The following IREB2 variants were observed in gnomAD, a reference collection of about 807,000 sequenced individuals.
The protein encoded by IREB2 is iron responsive element binding protein 2.
Under a neutral mutation model 118.8 loss-of-function variants are expected in IREB2, and 39 were observed. The observed-to-expected ratio is 0.33, with a 90% CI of 0.25 to 0.43. The LOEUF is 0.43. Ranked by LOEUF, IREB2 falls within the 20% of genes least tolerant of loss-of-function variation. The pLI, the probability that IREB2 is intolerant of heterozygous loss-of-function variation, is 1.00. For synonymous variants in IREB2, 372 were observed against 392.2 expected, an observed-to-expected ratio of 0.95 and a Z score of 0.61; for missense variants, 900 against 1,147.3, an observed-to-expected ratio of 0.78 and a Z score of 3.11.
At chr15:78,492,563 T>G (rs971425723) in intron 18 of IREB2, among the ~76,000 whole-genome samples, 1 of 151,610 alleles carries the variant, frequency 6.6e-6, no homozygotes, top group African/African-American at 2.4e-5. Context: ...AGTTTGTCAT[T>G]TGTTTGTTTG....
In IREB2 at chr15:78,493,970, A is replaced by G; in HGVS notation, c.2386A>G (p.Arg796Gly). The change falls in exon 19 of 22, where the codon AGA becomes GGA. Residue 796 changes from arginine (R) to glycine (G), a missense_variant. Arg to Gly is a moderately radical substitution (Grantham distance 125). Transcript: ENST00000258886. The part of the protein sequence containing the change: ...ARRGNDAVMT[R>G]GTFANIKLFN... Reference sequence around the variant, plus strand: ...AAGAGGTAATGATGCTGTAATGACAAGAGGCACTTTTGCAAATATCAAGCT... The same window carrying G: ...AAGAGGTAATGATGCTGTAATGACAGGAGGCACTTTTGCAAATATCAAGCT... 1 of 1,614,064 alleles carries G rather than the reference A, an allele frequency of 6.2e-7. No homozygotes were observed. Among genetic ancestry groups the G allele is most frequent in the Non-Finnish European group, 8.5e-7 (1 of 1,179,886 alleles).
At chr15:78,480,760 C>T (rs999057087) in intron 10 of IREB2, among the ~76,000 whole-genome samples, 2 of 149,702 alleles carry the variant, frequency 1.3e-5, no homozygotes, top group Non-Finnish European at 3.0e-5. Context: ...TTGGGAGGCC[C>T]GCACTTTGGG....
intron 9 of IREB2, chr15:78,476,610 A>G (rs535940117): frequency 1.5e-5 from 4 of 261,944 alleles, no homozygotes; most frequent in Non-Finnish European, 1.5e-5. Context: ...CTGTTTCCCC[A>G]TAATGATGGA....
intron 5 of IREB2, among the ~76,000 whole-genome samples, chr15:78,467,842 C>T (rs2051310652): frequency 6.6e-6 from 1 of 152,102 alleles, no homozygotes; most frequent in African/African-American, 2.4e-5. Flanking sequence ...CTGCCTTGAC[C>T]TTCAAAAGTT....
chr15:78,476,550 A>G (rs2051474621), intron 9 of IREB2, 191 bp downstream of exon 9: 1 of 419,426 alleles, frequency 2.4e-6, no homozygotes, highest in East Asian at 3.5e-5. Flanking sequence ...TCCCTGTGAC[A>G]CATTGAAAGC....
Position 78,487,783 on chromosome 15 carries a change from C to A in IREB2, c.1760C>A (p.Pro587His). 6.2e-7 allele frequency: 1 copy of A among 1,607,766 alleles called. No individual in the cohort carries two copies. ...GCSICVGNTA[P>H]LSDAVLNAVK... ...TCAATTTGTGTGGGAAATACAGCAC[C>A]CTTATCAGACGCAGTTTTAAATGCA... The change falls in exon 14 of 22, where the codon CCC becomes CAC. Residue 587 changes from proline to histidine, a missense_variant. Coordinates refer to ENST00000258886, the MANE Select transcript of IREB2 (RefSeq NM_004136.4).
chr15:78,490,894 C>T, intron 18 of IREB2, 133 bp downstream of exon 18: 2 of 759,522 alleles, frequency 2.6e-6, no homozygotes, highest in Admixed American at 2.4e-5. Context: ...ATGTGTTTGT[C>T]TTAAGCAAGA....
chr15:78,487,439 T>G (rs1054779475), intron 13 of IREB2, among the ~76,000 whole-genome samples: 1 of 152,162 alleles, frequency 6.6e-6, no homozygotes, highest in Non-Finnish European at 1.5e-5. Context: ...ATAAAAAAAT[T>G]AGCTGGGCCT....
intron 13 of IREB2, 67 bp from the exon 14 acceptor site, chr15:78,487,666 A>G (rs191163610): frequency 3.8e-5 from 33 of 863,288 alleles, no homozygotes; most frequent in African/African-American, 3.7e-4. Flanking sequence ...GAAATACAAG[A>G]TAAGACTTGT....
At chr15:78,481,598 C>T (rs973104462) in intron 10 of IREB2, 32 of 150,924 alleles carry the variant, frequency 2.1e-4, no homozygotes, top group African/African-American at 7.8e-4. Context: ...ATCTCCTGAC[C>T]TCATGATCCG....
chr15:78,449,136 T>C (rs2050980202), intron 2 of IREB2, among the ~76,000 whole-genome samples: 1 of 152,222 alleles, frequency 6.6e-6, no homozygotes, highest in South Asian at 2.1e-4. Flanking sequence ...CTTAAACTCA[T>C]ATCTTCTGAT....
rs145599495 is a variant in IREB2 at position 78,453,592 on chromosome 15, C to T, written c.107-9330C>T. Among the ~76,000 whole-genome samples, 72 of 152,198 alleles carry T rather than the reference C, an allele frequency of 4.7e-4. 1 individual carries two copies. Among genetic ancestry groups the T allele is most frequent in the South Asian group, 2.1e-3 (10 of 4,816 alleles). Reference sequence around the variant, plus strand: ...GTTAATGGAAATAGGATGCAAAACTCCTATAGAGAAGTTATCATTTAGTAG... The same window carrying T: ...GTTAATGGAAATAGGATGCAAAACTTCTATAGAGAAGTTATCATTTAGTAG... On this transcript the variant is annotated intron_variant, in intron 2 of 21. Coordinates refer to ENST00000258886, the MANE Select transcript of IREB2 (RefSeq NM_004136.4).
intron 13 of IREB2, 60 bp from the exon 14 acceptor site, chr15:78,487,673 T>C: frequency 1.1e-6 from 1 of 902,676 alleles, no homozygotes; most frequent in Admixed American, 1.8e-5. Flanking sequence ...AAGATAAGAC[T>C]TGTCCTTTCT....
rs188269093 is a variant in IREB2 at position 78,492,254 on chromosome 15, G to A, written c.2324+1493G>A. On this transcript the variant is annotated intron_variant, in intron 18 of 21. Transcript: ENST00000258886. ...CACTAATCCAGTAGCAATACCCCCC[G>A]CACCCAGATTATGATTTCTAAATAC... Among the ~76,000 whole-genome samples the A allele has an allele frequency of 5.3e-5, 8 of 152,048 alleles. No homozygotes were observed. In the South Asian group the frequency reaches 8.3e-4, roughly 16 times the overall value.
chr15:78,487,594 T>C (rs904608319), intron 13 of IREB2, 139 bp from the exon 14 acceptor site: 6 of 562,250 alleles, frequency 1.1e-5, no homozygotes, highest in Non-Finnish European at 1.9e-5. Context: ...GAGGTGAATA[T>C]ATTGATGAAG....
chr15:78,483,509 A>G (rs910671247), intron 11 of IREB2, 75 bp downstream of exon 11: 1 of 791,338 alleles, frequency 1.3e-6, no homozygotes, highest in Non-Finnish European at 2.3e-6. Context: ...AAGGTGACCC[A>G]TAAACTCAAT....
rs2051728365 is a variant in IREB2 at position 78,490,317 on chromosome 15, G to C, written c.2077-105G>C. 8.0e-6 allele frequency: 5 copies of C among 626,874 alleles called. No homozygotes were observed. The South Asian group carries it at 1.2e-4, about 15-fold the overall frequency. The allele number at this position is 626,874 out of a possible 1,614,324, so 38.8% of individuals were successfully genotyped here. On this transcript the variant is annotated intron_variant, in intron 16 of 21. Coordinates refer to ENST00000258886, the MANE Select transcript of IREB2 (RefSeq NM_004136.4). The stretch of plus-strand genomic sequence containing the variant: ...GATAAGGCCTATTTTTGTTGTTGTT[G>C]TTGTGACCTAAGTACTATTTTATTC...
At chr15:78,481,152 A>C (rs965900188) in intron 10 of IREB2, among the ~76,000 whole-genome samples, 3 of 152,130 alleles carry the variant, frequency 2.0e-5, no homozygotes, top group Non-Finnish European at 4.4e-5. Context: ...CCCTAGAGAA[A>C]GGGGATGGAT....
intron 2 of IREB2, among the ~76,000 whole-genome samples, chr15:78,448,879 AC>A (rs1159546097): frequency 6.6e-6 from 1 of 152,166 alleles, no homozygotes; most frequent in African/African-American, 2.4e-5. Flanking sequence ...TTTCTCTGTT[AC>A]ATGTAGTTAT....
Sources: gnomAD v4.1 joint callset for allele counts (sites outside exome capture counted in the v4.1 genomes callset) on GRCh38, gnomAD v4.1.1 for gene constraint, MANE v1.5 for transcripts, NCBI Gene and HGNC (gene_info 2026-07-23, HGNC 2026-07-21) for gene names.